BNC2: variants seen among roughly 807,000 people sequenced by gnomAD.
The protein encoded by BNC2 is zinc finger protein basonuclin-2.
Under a neutral mutation model 76.3 loss-of-function variants are expected in BNC2, and 20 were observed. That is an observed-to-expected ratio of 0.26 (90% CI 0.18 to 0.38). The LOEUF (loss-of-function observed/expected upper bound fraction) is 0.38, where lower values mean the gene tolerates loss of function less well. BNC2 is among the 10% of genes least tolerant of loss of function. BNC2 has a pLI of 1.00. For missense variants in BNC2, 1,382 were observed against 1,399.8 expected, an observed-to-expected ratio of 0.99 and a Z score of 0.20; for synonymous variants, 582 against 514.8, an observed-to-expected ratio of 1.13 and a Z score of -1.77.
intron 3 of BNC2, among the ~76,000 whole-genome samples, chr9:16,676,724 C>G (rs1587304710): frequency 6.6e-6 from 1 of 152,160 alleles, no homozygotes; most frequent in Non-Finnish European, 1.5e-5. Context: ...ACCGCAGCAG[C>G]GGAATAAAGA....
At chr9:16,591,789 G>A (rs996143664) in intron 3 of BNC2, among the ~76,000 whole-genome samples, 1 of 152,130 alleles carries the variant, frequency 6.6e-6, no homozygotes, top group Non-Finnish European at 1.5e-5. Flanking sequence ...CTAAAAGTAT[G>A]TCTCTTATTT....
chr9:16,720,797 G>C (rs1007338086), intron 3 of BNC2, among the ~76,000 whole-genome samples: 4 of 152,104 alleles, frequency 2.6e-5, no homozygotes, highest in African/African-American at 9.7e-5. Flanking sequence ...ATTAAAGAAA[G>C]CTCTATGAAT....
At chr9:16,676,376 T>C (rs1822643320) in intron 3 of BNC2, among the ~76,000 whole-genome samples, 1 of 152,228 alleles carries the variant, frequency 6.6e-6, no homozygotes, top group South Asian at 2.1e-4. Context: ...CGTAATTCTA[T>C]TTAAGCCAAG....
chr9:16,620,273 C>G (rs1820827599), intron 3 of BNC2, among the ~76,000 whole-genome samples: 2 of 152,144 alleles, frequency 1.3e-5, no homozygotes, highest in African/African-American at 4.8e-5. Flanking sequence ...AAATAAAGAT[C>G]AGAGCTAAAA....
At chr9:16,772,467 A>T (rs1243575235) in intron 1 of BNC2, among the ~76,000 whole-genome samples, 1 of 152,188 alleles carries the variant, frequency 6.6e-6, no homozygotes, top group Non-Finnish European at 1.5e-5. Context: ...AAAATCCAAT[A>T]GCTTAAGTCA....
chr9:16,723,333 C>A (rs1824220042), intron 3 of BNC2, among the ~76,000 whole-genome samples: 1 of 151,948 alleles, frequency 6.6e-6, no homozygotes, highest in African/African-American at 2.4e-5. Flanking sequence ...GAATATACAT[C>A]CTATGTAAAA....
rs553361441 is a variant in BNC2 at position 16,662,144 on chromosome 9, A to C, written c.330+65653T>G. On this transcript the variant is annotated intron_variant, in intron 3 of 6. Coordinates refer to ENST00000380672, the MANE Select transcript of BNC2 (RefSeq NM_017637.6). ...CCCAATATTTCTCCTTCAGAGGGGAAAACATTCACATATTAGTTCATGAGT... is the reference window on the plus strand; with the variant it reads ...CCCAATATTTCTCCTTCAGAGGGGACAACATTCACATATTAGTTCATGAGT... Among the ~76,000 whole-genome samples the C allele has an allele frequency of 2.6e-4, 39 of 152,364 alleles. 1 individual carries two copies. In the South Asian group the frequency reaches 7.7e-3, roughly 30 times the overall value.
chr9:16,711,520 A>G lies in BNC2; in HGVS notation c.330+16277T>C, dbSNP rs1437125517. ...AGATAAACATACCTCTAAACTAGAG[A>G]AAGTCCTTTCAACAATCACTTAGGT... is the stretch of plus-strand genomic sequence containing the variant. On this transcript the variant is annotated intron_variant, in intron 3 of 6. Transcript: ENST00000380672. 2.0e-5 allele frequency among the ~76,000 whole-genome samples: 3 copies of G among 152,256 alleles called. No individual in the cohort carries two copies. The East Asian group carries it at 5.8e-4, about 29-fold the overall frequency.
chr9:16,732,370 G>GT (rs1172989034), intron 2 of BNC2, among the ~76,000 whole-genome samples: 10 of 152,060 alleles, frequency 6.6e-5, no homozygotes. Flanking sequence ...AATAAGTTAT[G>GT]TAACTGCAGG....
chr9:16,670,380 T>C (rs1360045927), intron 3 of BNC2, among the ~76,000 whole-genome samples: 1 of 152,158 alleles, frequency 6.6e-6, no homozygotes, highest in East Asian at 1.9e-4. Context: ...CAGGGCGCGA[T>C]CATAGTTCAC....
intron 3 of BNC2, among the ~76,000 whole-genome samples, chr9:16,586,334 T>C (rs571433668): frequency 2.0e-5 from 3 of 152,308 alleles, no homozygotes; most frequent in South Asian, 2.1e-4. Context: ...ACCTTTACCA[T>C]TGACTTCTTG....
Position 16,583,056 on chromosome 9 carries a change from T to C in BNC2, c.360A>G (p.Thr120=), listed in dbSNP as rs762638569. Reference sequence around the variant, plus strand: ...TCTTCCCTGGCTGAAAACATTCACATGTGCAGTTTACCAGTGTGCAACGGA... The same window carrying C: ...TCTTCCCTGGCTGAAAACATTCACACGTGCAGTTTACCAGTGTGCAACGGA... The part of the protein sequence containing the change: ...QAIRCTLVNC[T]CECFQPGKIN... Residue 120 remains threonine, a synonymous_variant, in exon 4 of 7, where the codon ACA becomes ACG. Transcript: ENST00000380672. 22 of 1,613,902 alleles carry C rather than the reference T, an allele frequency of 1.4e-5. No homozygotes were observed. The East Asian group carries it at 4.7e-4, about 34-fold the overall frequency.
intron 5 of BNC2, among the ~76,000 whole-genome samples, chr9:16,493,799 C>T (rs1029359921): frequency 2.6e-5 from 4 of 152,126 alleles, no homozygotes; most frequent in Admixed American, 2.0e-4. Context: ...CCTGAAGAGC[C>T]AAACAGGTGA....
In BNC2 at chr9:16,788,290, A is replaced by G. The variant is rs917970972; in HGVS notation, c.4-49805T>C. 3.9e-5 allele frequency among the ~76,000 whole-genome samples: 6 copies of G among 152,192 alleles called. No homozygotes were observed. In the East Asian group the frequency reaches 1.2e-3, roughly 30 times the overall value. On this transcript the variant is annotated intron_variant, in intron 1 of 6. Coordinates refer to ENST00000380672, the MANE Select transcript of BNC2 (RefSeq NM_017637.6). ...ATTCCTGGGCCAGGCGCGGTGGCTCACGCCTGTAATCCCAGCACTCTGGGA... is the reference window on the plus strand; with the variant it reads ...ATTCCTGGGCCAGGCGCGGTGGCTCGCGCCTGTAATCCCAGCACTCTGGGA...
At chr9:16,743,489 C>T (rs1824909803) in intron 1 of BNC2, among the ~76,000 whole-genome samples, 3 of 152,168 alleles carry the variant, frequency 2.0e-5, no homozygotes, top group Admixed American at 2.0e-4. Flanking sequence ...CTCAAACTAT[C>T]AGAGGCGTGG....
chr9:16,699,094 T>G (rs2134539702), intron 3 of BNC2: 1 of 433,666 alleles, frequency 2.3e-6, no homozygotes, highest in Non-Finnish European at 4.7e-6. Context: ...GTTTGGGTAG[T>G]GATTTTGTTG....
intron 1 of BNC2, among the ~76,000 whole-genome samples, chr9:16,763,690 T>C (rs1048658621): frequency 1.3e-5 from 2 of 152,166 alleles, no homozygotes; most frequent in African/African-American, 4.8e-5. Context: ...TCAGGTCTTC[T>C]CCAGGCTAGT....
chr9:16,727,675 C>T, intron 3 of BNC2, 122 bp downstream of exon 3: 1 of 811,940 alleles, frequency 1.2e-6, no homozygotes, highest in East Asian at 2.6e-5. Context: ...AAGAGCCTAA[C>T]TAGGAAGTGA....
rs1221507501 is a variant in BNC2 at position 16,494,622 on chromosome 9, C to T, written c.670-57098G>A. Among the ~76,000 whole-genome samples, 4 of 151,940 alleles carry T rather than the reference C, an allele frequency of 2.6e-5. No individual in the cohort carries two copies. In the East Asian group the frequency reaches 5.8e-4, roughly 22 times the overall value. ...AAAATTTTTCAGGGAAAAGGAACAG[C>T]GAAGAAGCCAGTGTGACCAAAGTTG... is the stretch of plus-strand genomic sequence containing the variant. On this transcript the variant is annotated intron_variant, in intron 5 of 6. Coordinates refer to ENST00000380672, the MANE Select transcript of BNC2 (RefSeq NM_017637.6).
Sources: allele counts gnomAD v4.1 joint callset (sites outside exome capture counted in the v4.1 genomes callset), GRCh38; gene constraint gnomAD v4.1.1; transcripts MANE v1.5; gene names NCBI Gene and HGNC (gene_info 2026-07-23, HGNC 2026-07-21).